Variants in KCND2 observed in about 807,000 individuals in gnomAD.
KCND2 encodes the protein potassium voltage-gated channel subfamily D member 2, also known as A-type voltage-gated potassium channel KCND2.
In KCND2, 16 loss-of-function variants were observed where a neutral mutation model predicts 54.4. The ratio of observed to expected loss-of-function variants is 0.29; its 90% CI spans 0.20 to 0.45. The LOEUF is 0.45. Ranked by LOEUF, KCND2 falls within the 20% of genes least tolerant of loss-of-function variation. The pLI is 1.00. For synonymous variants in KCND2, 317 were observed against 310.7 expected (o/e 1.02, Z -0.21); for missense variants, 486 against 824.2 (o/e 0.59, Z 5.02).
intron 1 of KCND2, among the ~76,000 whole-genome samples, chr7:120,346,434 T>G (rs1800316995): frequency 6.6e-6 from 1 of 152,198 alleles, no homozygotes; most frequent in South Asian, 2.1e-4. Flanking sequence ...CTAATTATAT[T>G]CATTTCTATT....
At chr7:120,439,716 C>T (rs1280637994) in intron 1 of KCND2, among the ~76,000 whole-genome samples, 1 of 152,048 alleles carries the variant, frequency 6.6e-6, no homozygotes. Context: ...CTTCTATATG[C>T]TCATCTTCTT....
chr7:120,733,570 A>C (rs1792833374), intron 2 of KCND2, among the ~76,000 whole-genome samples: 1 of 152,148 alleles, frequency 6.6e-6, no homozygotes, highest in Admixed American at 6.6e-5. Flanking sequence ...AATTTTATTA[A>C]AATCAGATTT....
At chr7:120,732,573 A>T (rs925616545) in intron 1 of KCND2, among the ~76,000 whole-genome samples, 1 of 152,204 alleles carries the variant, frequency 6.6e-6, no homozygotes, top group African/African-American at 2.4e-5. Flanking sequence ...GCATAGAATT[A>T]TTGAGTATTA....
chr7:120,451,766 C>T (rs1225399345), intron 1 of KCND2, among the ~76,000 whole-genome samples: 2 of 152,216 alleles, frequency 1.3e-5, no homozygotes, highest in Non-Finnish European at 2.9e-5. Context: ...GAAATTTATT[C>T]ACCATCCTGG....
chr7:120,678,871 C>G (rs1263345359), intron 1 of KCND2, among the ~76,000 whole-genome samples: 1 of 150,294 alleles, frequency 6.7e-6, no homozygotes, highest in African/African-American at 2.4e-5. Flanking sequence ...ACATTCACAA[C>G]ATAAAGAGTT....
In KCND2 at chr7:120,318,094, C is replaced by T. The variant is rs905607474; in HGVS notation, c.1115+42347C>T. Among the ~76,000 whole-genome samples, 9 of 152,118 alleles carry T rather than the reference C, an allele frequency of 5.9e-5. 1 individual carries two copies. Among genetic ancestry groups the T allele is most frequent in the African/African-American group, 2.2e-4 (9 of 41,440 alleles). Reference sequence around the variant, plus strand: ...ATTTGAAAAGAATTTTAGAGTAAATCTTGTCTAATTTTTATTCTTTATTGC... The same window carrying T: ...ATTTGAAAAGAATTTTAGAGTAAATTTTGTCTAATTTTTATTCTTTATTGC... On this transcript the variant is annotated intron_variant, in intron 1 of 5. Transcript: ENST00000331113.
intron 1 of KCND2, among the ~76,000 whole-genome samples, chr7:120,595,296 C>T (rs1225966634): frequency 6.6e-6 from 1 of 150,926 alleles, no homozygotes. Context: ...TACCAATGTA[C>T]AAAAATTAGC....
intron 1 of KCND2, among the ~76,000 whole-genome samples, chr7:120,681,900 C>G (rs1011246817): frequency 1.4e-4 from 21 of 151,760 alleles, no homozygotes; most frequent in African/African-American, 4.8e-4. Flanking sequence ...AACTAAGCAG[C>G]TAATACTAAC....
chr7:120,510,700 G>A (rs1280599324), intron 1 of KCND2, among the ~76,000 whole-genome samples: 1 of 151,970 alleles, frequency 6.6e-6, no homozygotes, highest in Non-Finnish European at 1.5e-5. Context: ...TTTGACTACT[G>A]TAGCTGTGGG....
At chr7:120,638,870 T>C (rs1338497439) in intron 1 of KCND2, among the ~76,000 whole-genome samples, 1 of 152,040 alleles carries the variant, frequency 6.6e-6, no homozygotes, top group African/African-American at 2.4e-5. Context: ...CTATTGTTGA[T>C]AGAGGGGACT....
chr7:120,445,420 A>G (rs190184459), intron 1 of KCND2, among the ~76,000 whole-genome samples: 1 of 152,294 alleles, frequency 6.6e-6, no homozygotes, highest in Non-Finnish European at 1.5e-5. Flanking sequence ...TTAGGAGGAC[A>G]GTCTCTGAAT....
chr7:120,356,164 C>T (rs1800500866), intron 1 of KCND2, among the ~76,000 whole-genome samples: 1 of 151,764 alleles, frequency 6.6e-6, no homozygotes, highest in African/African-American at 2.4e-5. Context: ...GGGAGGGCAC[C>T]TAATTTTTTA....
chr7:120,276,017 GT>G (rs1799167939), intron 1 of KCND2, among the ~76,000 whole-genome samples: 1 of 151,958 alleles, frequency 6.6e-6, no homozygotes, highest in Non-Finnish European at 1.5e-5. Context: ...TATGAAAGTA[GT>G]AGCAATATTT....
intron 1 of KCND2, among the ~76,000 whole-genome samples, chr7:120,423,824 C>T (rs4282509): frequency 6.6e-6 from 1 of 151,982 alleles, no homozygotes; most frequent in Admixed American, 6.6e-5. Context: ...GCTTTCTATC[C>T]AAGCCAAACT....
chr7:120,706,000 A>C (rs955094220), intron 1 of KCND2, among the ~76,000 whole-genome samples: 1 of 151,996 alleles, frequency 6.6e-6, no homozygotes, highest in Non-Finnish European at 1.5e-5. Context: ...TTTCACTCCC[A>C]GTTGTGGGAT....
intron 1 of KCND2, among the ~76,000 whole-genome samples, chr7:120,326,137 A>T (rs1799970959): frequency 6.6e-6 from 1 of 152,118 alleles, no homozygotes; most frequent in South Asian, 2.1e-4. Context: ...ACTTATATTG[A>T]GTAAATATAG....
At chr7:120,283,242 C>T (rs989305428) in intron 1 of KCND2, among the ~76,000 whole-genome samples, 2 of 151,970 alleles carry the variant, frequency 1.3e-5, no homozygotes, top group Non-Finnish European at 2.9e-5. Flanking sequence ...GGCTTAGTAG[C>T]AAATGGAATC....
chr7:120,408,250 A>T (rs1801392361), intron 1 of KCND2, among the ~76,000 whole-genome samples: 1 of 151,988 alleles, frequency 6.6e-6, no homozygotes, highest in African/African-American at 2.4e-5. Context: ...AGAGGAGCAG[A>T]ATGAGATGTG....
At chr7:120,691,041 G>T (rs1290087935) in intron 1 of KCND2, among the ~76,000 whole-genome samples, 1 of 151,672 alleles carries the variant, frequency 6.6e-6, no homozygotes, top group African/African-American at 2.4e-5. Flanking sequence ...GTCCACGCAA[G>T]TGCAAAGGTC....
Sources: allele counts gnomAD v4.1 joint callset (sites outside exome capture counted in the v4.1 genomes callset), GRCh38; gene constraint gnomAD v4.1.1; transcripts MANE v1.5; gene names NCBI Gene and HGNC (gene_info 2026-07-23, HGNC 2026-07-21).